The following GABRA5 variants were observed in gnomAD, a reference collection of about 807,000 sequenced individuals.
The protein encoded by GABRA5 is gamma-aminobutyric acid receptor subunit alpha-5.
A neutral mutation model predicts 47.3 loss-of-function variants in GABRA5; 18 were observed. The observed-to-expected ratio is 0.38, with a 90% CI of 0.26 to 0.56. The LOEUF (loss-of-function observed/expected upper bound fraction) is 0.56, where lower values mean the gene tolerates loss of function less well. GABRA5 is among the 20% of genes least tolerant of loss of function. The pLI, the probability that GABRA5 is intolerant of heterozygous loss-of-function variation, is 0.71. For synonymous variants in GABRA5, 237 were observed against 229.3 expected, an observed-to-expected ratio of 1.03 and a Z score of -0.30; for missense variants, 365 against 599.3, an observed-to-expected ratio of 0.61 and a Z score of 4.08.
chr15:26,874,662 G>A lies in GABRA5; in HGVS notation c.86+5328G>A, dbSNP rs141267114. Among the ~76,000 whole-genome samples, 4 of 152,300 alleles carry A rather than the reference G, an allele frequency of 2.6e-5. No individual in the cohort carries two copies. In the East Asian group the frequency reaches 7.7e-4, roughly 29 times the overall value. On this transcript the variant is annotated intron_variant, in intron 3 of 10. Transcript: ENST00000335625. Reference sequence around the variant, plus strand: ...CAACACGGAATATAGATTGTGAACTGGAATACTGTGGAGAAAGATCATTTG... The same window carrying A: ...CAACACGGAATATAGATTGTGAACTAGAATACTGTGGAGAAAGATCATTTG...
intron 6 of GABRA5, among the ~76,000 whole-genome samples, chr15:26,885,821 C>T (rs1468947752): frequency 6.6e-6 from 1 of 152,034 alleles, no homozygotes; most frequent in Non-Finnish European, 1.5e-5. Context: ...TGGAGGATGT[C>T]TAGGGGTTCA....
At chr15:26,915,254 A>G (rs568959925) in intron 7 of GABRA5, among the ~76,000 whole-genome samples, 1 of 152,260 alleles carries the variant, frequency 6.6e-6, no homozygotes, top group Non-Finnish European at 1.5e-5. Context: ...TCAGCCAGTG[A>G]TATTTTTTAT....
At chr15:26,903,986 AT>A (rs1186835933) in intron 6 of GABRA5, among the ~76,000 whole-genome samples, 1 of 151,620 alleles carries the variant, frequency 6.6e-6, no homozygotes, top group Non-Finnish European at 1.5e-5. Context: ...CCATTTGTTC[AT>A]TTTTGCTTTT....
At chr15:26,918,154 C>T (rs1893760682) in intron 7 of GABRA5, among the ~76,000 whole-genome samples, 1 of 151,994 alleles carries the variant, frequency 6.6e-6, no homozygotes, top group South Asian at 2.1e-4. Context: ...AAATTTTCCT[C>T]TTGGTGCTGC....
intron 6 of GABRA5, among the ~76,000 whole-genome samples, chr15:26,892,753 GAGA>G (rs1186607828): frequency 6.6e-5 from 10 of 152,200 alleles, no homozygotes; most frequent in African/African-American, 2.2e-4. Flanking sequence ...CATTCACATG[GAGA>G]AGAAGAGGAT....
intron 8 of GABRA5, 116 bp from the exon 9 acceptor site, chr15:26,939,809 A>C: frequency 1.0e-6 from 1 of 997,700 alleles, no homozygotes; most frequent in South Asian, 1.5e-5. Context: ...CAGATCATAC[A>C]AATGAATGCT....
intron 6 of GABRA5, among the ~76,000 whole-genome samples, chr15:26,911,554 C>T (rs1048028885): frequency 2.0e-5 from 3 of 152,144 alleles, no homozygotes; most frequent in Non-Finnish European, 2.9e-5. Context: ...GCAGAAGGAG[C>T]GGCTCTGGTC....
chr15:26,905,003 G>A (rs1893409367), intron 6 of GABRA5, among the ~76,000 whole-genome samples: 1 of 152,108 alleles, frequency 6.6e-6, no homozygotes, highest in South Asian at 2.1e-4. Flanking sequence ...TATCGAATAG[G>A]AGTGGTGAGA....
chr15:26,930,094 C>T (rs1211598723), intron 7 of GABRA5, among the ~76,000 whole-genome samples: 1 of 150,728 alleles, frequency 6.6e-6, no homozygotes, highest in South Asian at 2.1e-4. Flanking sequence ...ATCACTGCAA[C>T]CTCCACCTCC....
At chr15:26,895,375 A>C (rs576778507) in intron 6 of GABRA5, among the ~76,000 whole-genome samples, 1 of 152,224 alleles carries the variant, frequency 6.6e-6, no homozygotes, top group Admixed American at 6.5e-5. Flanking sequence ...TCGTAATTCC[A>C]CTTCTGTGCC....
intron 7 of GABRA5, among the ~76,000 whole-genome samples, chr15:26,915,388 C>T (rs35399885): frequency 0.33 from 49,479 of 152,016 alleles, 8,563 homozygotes; most frequent in East Asian, 0.54. Flanking sequence ...GAAATATGTG[C>T]TGCTTGAACA....
At chr15:26,901,265 A>G (rs1349788032) in intron 6 of GABRA5, among the ~76,000 whole-genome samples, 1 of 152,214 alleles carries the variant, frequency 6.6e-6, no homozygotes, top group Non-Finnish European at 1.5e-5. Context: ...ACCAATTTGC[A>G]TTCACGTCAG....
At chr15:26,901,122 A>C (rs554982010) in intron 6 of GABRA5, among the ~76,000 whole-genome samples, 8 of 152,348 alleles carry the variant, frequency 5.3e-5, no homozygotes, top group African/African-American at 1.9e-4. Flanking sequence ...TGGTATAAAC[A>C]TTCTTGTGAA....
chr15:26,887,399 G>T (rs533371817), intron 6 of GABRA5, among the ~76,000 whole-genome samples: 1 of 151,958 alleles, frequency 6.6e-6, no homozygotes, highest in Non-Finnish European at 1.5e-5. Flanking sequence ...GCGTGATCTC[G>T]GCTCATTGCA....
At chr15:26,905,084 G>A (rs1327040012) in intron 6 of GABRA5, among the ~76,000 whole-genome samples, 3 of 152,116 alleles carry the variant, frequency 2.0e-5, no homozygotes. Context: ...GAATGATGTT[G>A]ACTGTGGATT....
At chr15:26,933,820 T>C (rs1470672105) in intron 7 of GABRA5, among the ~76,000 whole-genome samples, 2 of 152,200 alleles carry the variant, frequency 1.3e-5, no homozygotes, top group East Asian at 1.9e-4. Context: ...AGCAGAGATA[T>C]TGGGTGTCCA....
chr15:26,936,299 T>G, intron 7 of GABRA5, among the ~76,000 whole-genome samples: 1 of 152,232 alleles, frequency 6.6e-6, no homozygotes, highest in East Asian at 1.9e-4. Flanking sequence ...CTCCCAGAAC[T>G]GCCCTAAGCT....
intron 7 of GABRA5, among the ~76,000 whole-genome samples, chr15:26,918,119 T>A (rs1383819259): frequency 6.6e-6 from 1 of 152,172 alleles, no homozygotes; most frequent in Admixed American, 6.5e-5. Context: ...CTTTTTCTAA[T>A]TCCCGAAGGA....
At position 26,948,293 on chromosome 15, in the gene GABRA5, G is replaced by A; in HGVS notation, c.*60G>A. The A allele has an allele frequency of 1.3e-6, 2 of 1,531,152 alleles. No individual in the cohort carries two copies. Among genetic ancestry groups the A allele is most frequent in the South Asian group, 2.5e-5 (2 of 81,600 alleles). 94.8% of individuals were successfully genotyped at this position (1,531,152 alleles called of 1,614,324 possible). A position where few individuals can be genotyped will look rare whatever the true frequency, so the allele number is the denominator to read the frequency against. The stretch of plus-strand genomic sequence containing the variant: ...TTCCAGCGAAATGGTACCAAGGAGA[G>A]GTCTTGCTCACAGGGACTCTCCATA... On this transcript the variant is annotated 3_prime_UTR_variant, in exon 11 of 11. Coordinates refer to ENST00000335625, the MANE Select transcript of GABRA5 (RefSeq NM_000810.4).
Sources: allele counts gnomAD v4.1 joint callset (sites outside exome capture counted in the v4.1 genomes callset), GRCh38; gene constraint gnomAD v4.1.1; transcripts MANE v1.5; gene names NCBI Gene and HGNC (gene_info 2026-07-23, HGNC 2026-07-21).